SH3GL3: variants seen among roughly 807,000 people sequenced by gnomAD.
SH3GL3 encodes endophilin-A3.
SH3GL3 carries 33 observed loss-of-function variants against 47.7 expected under a neutral mutation model. That is an observed-to-expected ratio of 0.69 (90% CI 0.52 to 0.92). The LOEUF (loss-of-function observed/expected upper bound fraction) is 0.92. SH3GL3 is among the 40% of genes least tolerant of loss of function. SH3GL3 has a pLI of 0.00. For synonymous variants in SH3GL3, 155 were observed against 148.8 expected, an observed-to-expected ratio of 1.04 and a Z score of -0.30; for missense variants, 363 against 417.8, an observed-to-expected ratio of 0.87 and a Z score of 1.14.
In SH3GL3 at chr15:83,493,837, C is replaced by T. The variant is rs555430474; in HGVS notation, c.45+46259C>T. On this transcript the variant is annotated intron_variant, in intron 1 of 8. Coordinates refer to ENST00000427482, the MANE Select transcript of SH3GL3 (RefSeq NM_003027.5). ...TGGGCCTTCTCCTGTAAAGAGTCTT[C>T]AGCAATTCTAGTGGGATATCCAAGA... Among the ~76,000 whole-genome samples, 7 of 152,314 alleles carry T rather than the reference C, an allele frequency of 4.6e-5. 1 individual carries two copies. In the South Asian group the frequency reaches 1.4e-3, roughly 32 times the overall value.
chr15:83,548,922 T>C (rs1294777314), intron 1 of SH3GL3, among the ~76,000 whole-genome samples: 1 of 152,146 alleles, frequency 6.6e-6, no homozygotes, highest in Non-Finnish European at 1.5e-5. Flanking sequence ...ATTTTCACCA[T>C]GTCTGATGTG....
chr15:83,553,453 A>T (rs1013962864), intron 1 of SH3GL3, among the ~76,000 whole-genome samples: 1 of 152,130 alleles, frequency 6.6e-6, no homozygotes, highest in Admixed American at 6.6e-5. Flanking sequence ...TAGACTTATT[A>T]CTATCTGATT....
At chr15:83,501,100 C>T (rs1324640063) in intron 1 of SH3GL3, among the ~76,000 whole-genome samples, 3 of 152,084 alleles carry the variant, frequency 2.0e-5, no homozygotes, top group East Asian at 1.9e-4. Flanking sequence ...TTTCACCTGA[C>T]GTTTTTAGTG....
chr15:83,533,003 T>C (rs1007048082), intron 1 of SH3GL3, among the ~76,000 whole-genome samples: 13 of 152,328 alleles, frequency 8.5e-5, no homozygotes, highest in African/African-American at 3.1e-4. Context: ...GGCATAGTGA[T>C]CATTGCCTGG....
At chr15:83,500,620 C>T (rs1308848267) in intron 1 of SH3GL3, among the ~76,000 whole-genome samples, 1 of 152,230 alleles carries the variant, frequency 6.6e-6, no homozygotes, top group African/African-American at 2.4e-5. Context: ...GTCTTTGGCT[C>T]CTATGGTGAA....
chr15:83,603,261 A>G (rs1596337264), intron 8 of SH3GL3, among the ~76,000 whole-genome samples: 1 of 152,176 alleles, frequency 6.6e-6, no homozygotes, highest in African/African-American at 2.4e-5. Flanking sequence ...CAGCCTCCCA[A>G]ACTGCTGTCA....
At chr15:83,545,229 T>C (rs2044339725) in intron 1 of SH3GL3, among the ~76,000 whole-genome samples, 1 of 152,204 alleles carries the variant, frequency 6.6e-6, no homozygotes, top group South Asian at 2.1e-4. Context: ...CTTTTTCCTT[T>C]TGTCTCCTCT....
intron 1 of SH3GL3, among the ~76,000 whole-genome samples, chr15:83,554,883 T>C (rs1054132137): frequency 6.6e-6 from 1 of 152,208 alleles, no homozygotes; most frequent in Admixed American, 6.5e-5. Flanking sequence ...GGTACTTGAG[T>C]GTGCTTCCAA....
intron 1 of SH3GL3, among the ~76,000 whole-genome samples, chr15:83,525,379 T>TGTGTG (rs1555488733): frequency 2.6e-5 from 4 of 151,316 alleles, no homozygotes; most frequent in East Asian, 1.9e-4. Flanking sequence ...TGTGTGTGTG[T>TGTGTG]TTTGCTGTGG....
chr15:83,542,397 G>A (rs1312698915), intron 1 of SH3GL3, among the ~76,000 whole-genome samples: 2 of 152,152 alleles, frequency 1.3e-5, no homozygotes, highest in African/African-American at 4.8e-5. Flanking sequence ...TTTGAAGTCA[G>A]TTAATGTGAT....
chr15:83,578,773 A>G (rs780504807), intron 6 of SH3GL3, among the ~76,000 whole-genome samples: 5 of 151,610 alleles, frequency 3.3e-5, no homozygotes, highest in Non-Finnish European at 7.4e-5. Context: ...AGCAACAGCG[A>G]TTTTGTTTTG....
At chr15:83,596,200 G>C (rs1022657439) in intron 8 of SH3GL3, among the ~76,000 whole-genome samples, 1 of 151,988 alleles carries the variant, frequency 6.6e-6, no homozygotes, top group African/African-American at 2.4e-5. Context: ...TTCTGTTTTA[G>C]ATACCTATTT....
intron 1 of SH3GL3, among the ~76,000 whole-genome samples, chr15:83,527,110 T>C (rs1296846631): frequency 2.0e-5 from 3 of 152,182 alleles, no homozygotes; most frequent in Non-Finnish European, 4.4e-5. Flanking sequence ...TTTTTTGGTG[T>C]AGTCTTTAGG....
At chr15:83,622,707 C>T (rs1009187486), downstream of SH3GL3, among the ~76,000 whole-genome samples, 6 of 152,242 alleles carry the variant, frequency 3.9e-5, no homozygotes, top group African/African-American at 1.4e-4. Flanking sequence ...GATGTTGTCT[C>T]TACAGAGTCT....
intron 1 of SH3GL3, among the ~76,000 whole-genome samples, chr15:83,474,894 G>A (rs909180664): frequency 7.2e-5 from 11 of 152,094 alleles, no homozygotes; most frequent in African/African-American, 2.7e-4. Flanking sequence ...GCAGAAGGCA[G>A]GCTTTGAAAT....
At chr15:83,621,024 C>T (rs2060914181), downstream of SH3GL3, among the ~76,000 whole-genome samples, 1 of 152,256 alleles carries the variant, frequency 6.6e-6, no homozygotes, top group South Asian at 2.1e-4. Context: ...CTGCTAGCCT[C>T]AGACTTTTCT....
chr15:83,506,640 A>G (rs1251009529), intron 1 of SH3GL3, among the ~76,000 whole-genome samples: 2 of 152,172 alleles, frequency 1.3e-5, no homozygotes, highest in Non-Finnish European at 2.9e-5. Flanking sequence ...GTTAGAAATT[A>G]GTGTTCCCAC....
chr15:83,555,745 A>G (rs1164159732), intron 1 of SH3GL3, among the ~76,000 whole-genome samples: 1 of 151,806 alleles, frequency 6.6e-6, no homozygotes, highest in East Asian at 1.9e-4. Context: ...TTGAACCCAG[A>G]CTCTGGTCTC....
chr15:83,600,590 T>C (rs1445137098), intron 8 of SH3GL3, among the ~76,000 whole-genome samples: 1 of 152,228 alleles, frequency 6.6e-6, no homozygotes, highest in Non-Finnish European at 1.5e-5. Flanking sequence ...TTGGTGACTG[T>C]GGCCTTATAG....
Sources: allele counts gnomAD v4.1 joint callset (sites outside exome capture counted in the v4.1 genomes callset), GRCh38; gene constraint gnomAD v4.1.1; transcripts MANE v1.5; gene names NCBI Gene and HGNC (gene_info 2026-07-23, HGNC 2026-07-21).